UNC5D: variants seen among roughly 807,000 people sequenced by gnomAD.
The protein encoded by UNC5D is unc-5 netrin receptor D, also known as netrin receptor UNC5D.
In UNC5D, 39 loss-of-function variants were observed where a neutral mutation model predicts 105.4. The ratio of observed to expected loss-of-function variants is 0.37; its 90% confidence interval spans 0.29 to 0.48. UNC5D has a LOEUF of 0.48. Ranked by LOEUF, UNC5D falls within the 20% of genes least tolerant of loss-of-function variation. The probability of loss-of-function intolerance (pLI) is 0.98; values close to 1 mark genes in which losing one functional copy is unlikely to be tolerated. For synonymous variants in UNC5D, 452 were observed against 450.4 expected (o/e 1.00, Z -0.04); for missense variants, 991 against 1,202.4 (o/e 0.82, Z 2.60).
At chr8:35,583,307 C>T (rs950173988) in intron 3 of UNC5D, among the ~76,000 whole-genome samples, 7 of 152,032 alleles carry the variant, frequency 4.6e-5, no homozygotes, top group South Asian at 2.1e-4. Context: ...TAGCTATGAT[C>T]GCACCACTGC....
At chr8:35,454,498 G>A (rs1808359295) in intron 1 of UNC5D, among the ~76,000 whole-genome samples, 1 of 152,106 alleles carries the variant, frequency 6.6e-6, no homozygotes, top group Non-Finnish European at 1.5e-5. Flanking sequence ...TCCTGTATCA[G>A]GAGGAGAACA....
chr8:35,615,303 T>G (rs1489039601), intron 4 of UNC5D, among the ~76,000 whole-genome samples: 1 of 152,128 alleles, frequency 6.6e-6, no homozygotes, highest in African/African-American at 2.4e-5. Context: ...TTATCAGCCC[T>G]CTTTCTTTCT....
At chr8:35,590,784 C>T (rs1207278051) in intron 3 of UNC5D, among the ~76,000 whole-genome samples, 1 of 152,048 alleles carries the variant, frequency 6.6e-6, no homozygotes, top group African/African-American at 2.4e-5. Flanking sequence ...AGTCAAGGTA[C>T]GAGTAAGTGG....
At chr8:35,433,304 G>A (rs1357027721) in intron 1 of UNC5D, among the ~76,000 whole-genome samples, 1 of 152,098 alleles carries the variant, frequency 6.6e-6, no homozygotes, top group African/African-American at 2.4e-5. Flanking sequence ...AAATGTTTAT[G>A]TCCTTGGTCC....
intron 3 of UNC5D, among the ~76,000 whole-genome samples, chr8:35,586,336 G>T (rs1818790607): frequency 6.6e-6 from 1 of 152,190 alleles, no homozygotes; most frequent in African/African-American, 2.4e-5. Flanking sequence ...CACGCTTGCG[G>T]GAGGAGCGCA....
Position 35,603,037 on chromosome 8 carries a change from C to G in UNC5D, c.570+7380C>G, listed in dbSNP as rs145723777. 5.6e-3 allele frequency among the ~76,000 whole-genome samples: 853 copies of G among 152,128 alleles called. 3 individuals carry two copies. The highest frequency in any genetic ancestry group is 0.02 in the African/African-American group (821 of 41,494). On this transcript the variant is annotated intron_variant, in intron 4 of 16. Transcript: ENST00000404895. The stretch of plus-strand genomic sequence containing the variant: ...TTTTTTTGAAGGGTTTTTTGTGTCT[C>G]TATTTCCTTCAGTTCTGCTCTGATC...
At chr8:35,492,523 A>T (rs1811278757) in intron 1 of UNC5D, among the ~76,000 whole-genome samples, 1 of 152,100 alleles carries the variant, frequency 6.6e-6, no homozygotes, top group Non-Finnish European at 1.5e-5. Context: ...GGCAAGAAGG[A>T]TTTTTCCTCT....
chr8:35,790,459 T>G lies in UNC5D; in HGVS notation c.2758T>G (p.Cys920Gly). 1 of 1,614,000 alleles carries G rather than the reference T, an allele frequency of 6.2e-7. No individual in the cohort carries two copies. Among genetic ancestry groups the G allele is most frequent in the Non-Finnish European group, 8.5e-7 (1 of 1,179,900 alleles). ...QHDGDLDSLACALEEIGRTHT... is the reference protein window; with the variant it reads ...QHDGDLDSLAGALEEIGRTHT... ...TGATGGTGATCTTGACTCCCTGGCC[T>G]GTGCCCTTGAAGAGATTGGGAGGAC... Residue 920 changes from cysteine (C) to glycine (G), a missense_variant, in exon 17 of 17, where the codon TGT becomes GGT. Around this residue, in one of 3 missense-constraint regions of UNC5D, gnomAD observed 45 missense variants for 54.5 expected, o/e 0.83. Coordinates refer to ENST00000404895, the MANE Select transcript of UNC5D (RefSeq NM_080872.4).
chr8:35,753,441 T>C (rs1163471810), intron 13 of UNC5D, among the ~76,000 whole-genome samples: 1 of 151,956 alleles, frequency 6.6e-6, no homozygotes, highest in Non-Finnish European at 1.5e-5. Context: ...GCTAATTTTT[T>C]TGTATTTTTA....
At chr8:35,553,562 G>A (rs1816320521) in intron 2 of UNC5D, among the ~76,000 whole-genome samples, 2 of 152,150 alleles carry the variant, frequency 1.3e-5, no homozygotes, top group Non-Finnish European at 1.5e-5. Context: ...GAATCAATGT[G>A]AAAGAAATGT....
chr8:35,279,792 G>A (rs2950916), intron 1 of UNC5D, among the ~76,000 whole-genome samples: 52,715 of 151,980 alleles, frequency 0.35, 10,874 homozygotes, highest in East Asian at 0.47. Flanking sequence ...TGGCTCTTCC[G>A]TTGGCAAAAG....
chr8:35,654,597 C>T (rs893103159), intron 4 of UNC5D, among the ~76,000 whole-genome samples: 1 of 152,172 alleles, frequency 6.6e-6, no homozygotes, highest in African/African-American at 2.4e-5. Context: ...TTATCACCAG[C>T]CTGGCGATGC....
chr8:35,509,648 T>C (rs1256760656), intron 1 of UNC5D, among the ~76,000 whole-genome samples: 3 of 151,148 alleles, frequency 2.0e-5, no homozygotes, highest in African/African-American at 7.3e-5. Context: ...TGGGGTCTTC[T>C]TATTCTCTTC....
chr8:35,594,672 T>C (rs1375631139), intron 3 of UNC5D, among the ~76,000 whole-genome samples: 2 of 152,128 alleles, frequency 1.3e-5, no homozygotes, highest in Non-Finnish European at 2.9e-5. Context: ...CTTTTTTTAA[T>C]GAAGCGTGTG....
chr8:35,662,171 CTA>C (rs1229596158), intron 4 of UNC5D, among the ~76,000 whole-genome samples: 27 of 125,914 alleles, frequency 2.1e-4, no homozygotes, highest in African/African-American at 9.3e-4. Context: ...CCAAAAGGAA[CTA>C]AACAAAAGCT....
At chr8:35,338,357 G>A (rs1811207235) in intron 1 of UNC5D, among the ~76,000 whole-genome samples, 1 of 152,050 alleles carries the variant, frequency 6.6e-6, no homozygotes, top group Admixed American at 6.6e-5. Context: ...AAAACTCAGT[G>A]ATATTTTCAG....
chr8:35,706,292 G>T (rs1827570884), intron 8 of UNC5D, among the ~76,000 whole-genome samples: 2 of 152,122 alleles, frequency 1.3e-5, no homozygotes, highest in Non-Finnish European at 2.9e-5. Flanking sequence ...ACACTTTCTT[G>T]AGAGCAGCCT....
At chr8:35,593,267 T>C (rs1010724750) in intron 3 of UNC5D, among the ~76,000 whole-genome samples, 2 of 152,202 alleles carry the variant, frequency 1.3e-5, no homozygotes, top group African/African-American at 4.8e-5. Flanking sequence ...TTACATTTTC[T>C]ATTTCTATTG....
At chr8:35,308,815 A>G (rs1056086697) in intron 1 of UNC5D, among the ~76,000 whole-genome samples, 1 of 152,180 alleles carries the variant, frequency 6.6e-6, no homozygotes, top group Non-Finnish European at 1.5e-5. Flanking sequence ...TCAAAAATGC[A>G]TTAATACATT....
Sources: gnomAD v4.1 joint callset for allele counts (sites outside exome capture counted in the v4.1 genomes callset) on GRCh38, gnomAD v4.1.1 for gene constraint, gnomAD v4.1.1 regional missense constraint, MANE v1.5 for transcripts, NCBI Gene and HGNC (gene_info 2026-07-23, HGNC 2026-07-21) for gene names.